TSNARE1: variants seen among roughly 807,000 people sequenced by gnomAD.
The protein encoded by TSNARE1 is t-SNARE domain containing 1.
Under a neutral mutation model 62.0 loss-of-function variants are expected in TSNARE1, and 49 were observed. The ratio of observed to expected loss-of-function variants is 0.79; its 90% CI spans 0.63 to 1.00. The LOEUF is 1.00. Among genes scored for constraint, TSNARE1 ranks in the 50% least tolerant of loss-of-function variants. The probability of loss-of-function intolerance (pLI) is 0.00; values close to 1 mark genes in which losing one functional copy is unlikely to be tolerated. For synonymous variants in TSNARE1, 328 were observed against 294.4 expected, an observed-to-expected ratio of 1.11 and a Z score of -1.17; for missense variants, 755 against 700.1, an observed-to-expected ratio of 1.08 and a Z score of -0.88.
At chr8:142,367,477 C>T (rs527978439) in intron 1 of TSNARE1, among the ~76,000 whole-genome samples, 2 of 141,248 alleles carry the variant, frequency 1.4e-5, no homozygotes, top group Admixed American at 7.7e-5. Flanking sequence ...GTCCGCAAGA[C>T]GCAAATCTAC....
chr8:142,344,207 C>T lies in TSNARE1; in HGVS notation c.504G>A (p.Leu168=). 6 of 1,613,608 alleles carry T rather than the reference C, an allele frequency of 3.7e-6. No homozygotes were observed. The highest frequency in any genetic ancestry group is 1.1e-5 in the South Asian group (1 of 91,072). The change falls in exon 4 of 14, where the codon CTG becomes CTA. Residue 168 remains leucine, a synonymous_variant. Transcript: ENST00000524325. ...AGTAGCCCAGCGCATTCACGGCCTG[C>T]AGGATGCGGCTCCACACGCGGTACC... ...TRRYRVWSRI[L]QAVNALGYCR...
At chr8:142,286,417 C>A (rs954636554) in intron 10 of TSNARE1, among the ~76,000 whole-genome samples, 1 of 152,196 alleles carries the variant, frequency 6.6e-6, no homozygotes, top group African/African-American at 2.4e-5. Flanking sequence ...TAAACTGACA[C>A]GTAGTATCAA....
At chr8:142,401,735 C>T (rs986327818) in intron 1 of TSNARE1, among the ~76,000 whole-genome samples, 1 of 152,200 alleles carries the variant, frequency 6.6e-6, no homozygotes, top group Non-Finnish European at 1.5e-5. Flanking sequence ...CAAAACTCAA[C>T]CTCCTCCAGG....
At chr8:142,318,660 C>CGAAGGCAGGGGAG in intron 6 of TSNARE1, 26 bp from the exon 7 acceptor site, 1 of 1,611,936 alleles carries the variant, frequency 6.2e-7, no homozygotes, top group Admixed American at 1.7e-5. Flanking sequence ...GAGCCAGGAG[C>CGAAGGCAGGGGAG]GAAGGCAGGG....
At chr8:142,304,927 G>A (rs1341586367) in intron 9 of TSNARE1, among the ~76,000 whole-genome samples, 1 of 152,198 alleles carries the variant, frequency 6.6e-6, no homozygotes, top group Non-Finnish European at 1.5e-5. Flanking sequence ...CAGCCCCACT[G>A]ACTGGGGTCC....
chr8:142,295,185 CAT>C (rs145746486), intron 10 of TSNARE1, among the ~76,000 whole-genome samples: 7,252 of 152,326 alleles, frequency 0.048, 238 homozygotes, highest in Non-Finnish European at 0.067. Flanking sequence ...TCAGCTCCCA[CAT>C]GTGACTGGCA....
chr8:142,255,185 G>A (rs67736411), intron 12 of TSNARE1, among the ~76,000 whole-genome samples: 2 of 151,702 alleles, frequency 1.3e-5, no homozygotes, highest in East Asian at 1.9e-4. Context: ...ACTCAGCACC[G>A]TAAGACAGAG....
At chr8:142,298,495 G>C (rs1264356896) in intron 10 of TSNARE1, among the ~76,000 whole-genome samples, 1 of 152,152 alleles carries the variant, frequency 6.6e-6, no homozygotes, top group Non-Finnish European at 1.5e-5. Flanking sequence ...AGGTGAAGGT[G>C]CCACGCCGGA....
At chr8:142,240,526 GC>G (rs1817630810) in intron 12 of TSNARE1, among the ~76,000 whole-genome samples, 1 of 152,132 alleles carries the variant, frequency 6.6e-6, no homozygotes, top group Non-Finnish European at 1.5e-5. Context: ...AACTTTCCAT[GC>G]ACTAATTAAA....
At chr8:142,298,179 T>G (rs1266913076) in intron 10 of TSNARE1, among the ~76,000 whole-genome samples, 2 of 152,186 alleles carry the variant, frequency 1.3e-5, no homozygotes, top group Non-Finnish European at 2.9e-5. Flanking sequence ...AGCCCCAGCT[T>G]TCCTCCCGCC....
chr8:142,377,952 T>C (rs1836466590), intron 1 of TSNARE1, among the ~76,000 whole-genome samples: 1 of 152,232 alleles, frequency 6.6e-6, no homozygotes, highest in Non-Finnish European at 1.5e-5. Context: ...TGCTCAGAGA[T>C]GCCGAAGTGG....
chr8:142,325,234 C>A (rs1453733744), intron 6 of TSNARE1, among the ~76,000 whole-genome samples: 1 of 152,060 alleles, frequency 6.6e-6, no homozygotes, highest in Non-Finnish European at 1.5e-5. Flanking sequence ...GTGGTGTGGC[C>A]CATGAGACAG....
intron 6 of TSNARE1, among the ~76,000 whole-genome samples, chr8:142,327,880 T>A (rs567639489): frequency 6.6e-6 from 1 of 152,224 alleles, no homozygotes; most frequent in Admixed American, 6.5e-5. Context: ...CAGACCCCAC[T>A]GCCATCGCTG....
intron 4 of TSNARE1, among the ~76,000 whole-genome samples, chr8:142,338,207 C>T (rs1832041256): frequency 6.6e-6 from 1 of 152,230 alleles, no homozygotes; most frequent in Non-Finnish European, 1.5e-5. Context: ...CAGGCACGCT[C>T]CCCACCAGTG....
intron 2 of TSNARE1, among the ~76,000 whole-genome samples, chr8:142,346,629 G>C (rs543825510): frequency 6.6e-6 from 1 of 152,204 alleles, no homozygotes; most frequent in Non-Finnish European, 1.5e-5. Context: ...GCCAGACCCC[G>C]CGTGCCTGTC....
intron 1 of TSNARE1, chr8:142,365,921 G>T (rs757818214): frequency 2.2e-6 from 1 of 453,176 alleles, no homozygotes; most frequent in South Asian, 1.6e-5. Flanking sequence ...CATGTTCATG[G>T]ACAGGAACAC....
intron 12 of TSNARE1, among the ~76,000 whole-genome samples, chr8:142,229,813 G>A (rs1224420089): frequency 6.6e-6 from 1 of 152,156 alleles, no homozygotes; most frequent in Non-Finnish European, 1.5e-5. Context: ...AGAGAGGCAG[G>A]AGACTCAACT....
chr8:142,234,210 C>A (rs764116913), intron 12 of TSNARE1, among the ~76,000 whole-genome samples: 1 of 151,954 alleles, frequency 6.6e-6, no homozygotes, highest in Non-Finnish European at 1.5e-5. Flanking sequence ...TGACCACCAC[C>A]ATGGGTTCAG....
Position 142,319,470 on chromosome 8 carries a change from G to C in TSNARE1, c.894-836C>G, listed in dbSNP as rs1364010351. Among the ~76,000 whole-genome samples the C allele has an allele frequency of 6.6e-6, 1 of 152,052 alleles. No homozygotes were observed. Among genetic ancestry groups the C allele is most frequent in the Admixed American group, 6.6e-5 (1 of 15,258 alleles). On this transcript the variant is annotated intron_variant, in intron 6 of 13. Transcript: ENST00000524325. This position sits in a 1 kb window ranked among gnomAD's most constrained non-coding sequence, Gnocchi z 4.9. ...GGAAGACCAGCCCGTCTCCCGCTTG[G>C]GGTTCGCCACCCCCATCCCTGGAGA...
Sources: allele counts gnomAD v4.1 joint callset (sites outside exome capture counted in the v4.1 genomes callset), GRCh38; gene constraint gnomAD v4.1.1; non-coding constraint Gnocchi (gnomAD v3.1); transcripts MANE v1.5; gene names NCBI Gene and HGNC (gene_info 2026-07-23, HGNC 2026-07-21).